DKK2: variants seen among roughly 807,000 people sequenced by gnomAD.
DKK2 encodes dickkopf-related protein 2.
DKK2 carries 11 observed loss-of-function variants against 28.1 expected under a neutral mutation model. That is an observed-to-expected ratio of 0.39 (90% CI 0.25 to 0.65). The LOEUF is 0.65. Ranked by LOEUF, DKK2 falls within the 30% of genes least tolerant of loss-of-function variation. DKK2 has a pLI of 0.47. For missense variants in DKK2, 326 were observed against 335.5 expected, an observed-to-expected ratio of 0.97 and a Z score of 0.22; for synonymous variants, 135 against 126.5, an observed-to-expected ratio of 1.07 and a Z score of -0.45.
chr4:106,959,549 T>G (rs989067700), intron 1 of DKK2, among the ~76,000 whole-genome samples: 4 of 152,106 alleles, frequency 2.6e-5, no homozygotes. Context: ...TGATCTAGAC[T>G]CAAAATTTGT....
intron 1 of DKK2, among the ~76,000 whole-genome samples, chr4:107,015,959 G>C (rs1723595611): frequency 6.6e-6 from 1 of 151,780 alleles, no homozygotes; most frequent in African/African-American, 2.4e-5. Context: ...AAAATTCAAA[G>C]AGAAAATTTC....
rs1724359510 is a variant in DKK2, at chr4:106,922,432, A to T, written c.*1522T>A. 6.6e-6 allele frequency: 1 copy of T among 152,246 alleles called. No homozygotes were observed. The highest frequency in any genetic ancestry group is 1.5e-5 in the Non-Finnish European group (1 of 68,044). 9.4% of individuals were successfully genotyped at this position (152,246 alleles called of 1,614,324 possible). On this transcript the variant is annotated 3_prime_UTR_variant, in exon 4 of 4. Coordinates refer to ENST00000285311, the MANE Select transcript of DKK2 (RefSeq NM_014421.3). The stretch of plus-strand genomic sequence containing the variant: ...GTAGTAAAGTGGTTTCAAAGAATTT[A>T]GAAACTGTGGTGTCTATAGATTAGC...
chr4:107,022,896 A>T (rs906113954), intron 1 of DKK2, among the ~76,000 whole-genome samples: 3 of 152,024 alleles, frequency 2.0e-5, no homozygotes, highest in African/African-American at 7.2e-5. Context: ...AACTTGGTCA[A>T]ATGGTTGGGT....
intron 1 of DKK2, among the ~76,000 whole-genome samples, chr4:106,954,313 C>G (rs1395572154): frequency 1.3e-5 from 2 of 152,062 alleles, no homozygotes; most frequent in East Asian, 3.9e-4. Context: ...TTTCTTGCTT[C>G]AGGTTCATTT....
chr4:106,976,961 C>T (rs1442354521), intron 1 of DKK2, among the ~76,000 whole-genome samples: 2 of 152,042 alleles, frequency 1.3e-5, no homozygotes, highest in Non-Finnish European at 2.9e-5. Context: ...TCAGCATTTG[C>T]TTGTCTGTAA....
intron 1 of DKK2, among the ~76,000 whole-genome samples, chr4:107,030,529 A>G (rs1319894010): frequency 6.6e-6 from 1 of 152,138 alleles, no homozygotes; most frequent in East Asian, 1.9e-4. Flanking sequence ...CTTTTGAACA[A>G]TCAGATAAAT....
chr4:107,035,279 G>T, intron 1 of DKK2, 91 bp downstream of exon 1: 2 of 1,443,644 alleles, frequency 1.4e-6, no homozygotes, highest in East Asian at 2.3e-5. Context: ...GCCACGCTCC[G>T]AATGTTGCAA....
chr4:106,983,237 C>T (rs12646662), intron 1 of DKK2, among the ~76,000 whole-genome samples: 25,480 of 149,328 alleles, frequency 0.17, 2,589 homozygotes, highest in East Asian at 0.43. Flanking sequence ...AACACTAACA[C>T]CACTCTAATA....
intron 1 of DKK2, among the ~76,000 whole-genome samples, chr4:106,930,130 C>G (rs1225896829): frequency 6.6e-6 from 1 of 152,162 alleles, no homozygotes; most frequent in Non-Finnish European, 1.5e-5. Context: ...ACAGTATTTT[C>G]TCATTCTATT....
intron 1 of DKK2, among the ~76,000 whole-genome samples, chr4:106,987,251 GA>G (rs1224827625): frequency 1.3e-5 from 2 of 152,142 alleles, no homozygotes; most frequent in African/African-American, 4.8e-5. Flanking sequence ...TCTTAGTAGA[GA>G]AGAATAAACC....
At chr4:106,928,101 C>G (rs1003468105) in intron 1 of DKK2, among the ~76,000 whole-genome samples, 11 of 152,058 alleles carry the variant, frequency 7.2e-5, no homozygotes, top group Non-Finnish European at 1.3e-4. Context: ...TGGCGCATCA[C>G]CATCTTTCCA....
chr4:106,957,312 A>C (rs1256408126), intron 1 of DKK2, among the ~76,000 whole-genome samples: 3 of 151,146 alleles, frequency 2.0e-5, no homozygotes, highest in East Asian at 2.0e-4. Context: ...GTGGGACTGT[A>C]AACTAGTTCA....
chr4:107,008,720 C>T (rs558486857), intron 1 of DKK2, among the ~76,000 whole-genome samples: 1 of 152,088 alleles, frequency 6.6e-6, no homozygotes, highest in Non-Finnish European at 1.5e-5. Flanking sequence ...CCTAAACAGA[C>T]ATGCACACAT....
At chr4:106,947,527 T>A (rs1004237407) in intron 1 of DKK2, among the ~76,000 whole-genome samples, 10 of 152,066 alleles carry the variant, frequency 6.6e-5, no homozygotes, top group Non-Finnish European at 7.4e-5. Flanking sequence ...GTAAGAATAG[T>A]TACTCTTGGA....
intron 1 of DKK2, among the ~76,000 whole-genome samples, chr4:106,948,579 T>C (rs1724813063): frequency 6.6e-6 from 1 of 152,136 alleles, no homozygotes; most frequent in Admixed American, 6.6e-5. Context: ...AAAGTTGCCA[T>C]GTAGATTAGA....
At chr4:106,987,745 TTCA>T (rs1723141613) in intron 1 of DKK2, among the ~76,000 whole-genome samples, 1 of 150,280 alleles carries the variant, frequency 6.7e-6, no homozygotes, top group African/African-American at 2.4e-5. Context: ...AGTTCAGTTC[TTCA>T]TTTGTTTCCT....
At chr4:106,972,663 C>T (rs896169528) in intron 1 of DKK2, among the ~76,000 whole-genome samples, 15 of 152,080 alleles carry the variant, frequency 9.9e-5, no homozygotes, top group African/African-American at 3.6e-4. Flanking sequence ...ATATAAAGTT[C>T]TTAGAACAGT....
At chr4:106,965,719 A>G (rs1489177214) in intron 1 of DKK2, among the ~76,000 whole-genome samples, 1 of 145,330 alleles carries the variant, frequency 6.9e-6, no homozygotes, top group Admixed American at 6.9e-5. Context: ...AGCATTAGGT[A>G]TATCTCCCAA....
chr4:106,926,174 T>C (rs184835339), intron 1 of DKK2, among the ~76,000 whole-genome samples: 1 of 152,278 alleles, frequency 6.6e-6, no homozygotes, highest in Admixed American at 6.5e-5. Flanking sequence ...TGACGCTGTT[T>C]GTATATTTTC....
Sources: gnomAD v4.1 joint callset for allele counts (sites outside exome capture counted in the v4.1 genomes callset) on GRCh38, gnomAD v4.1.1 for gene constraint, MANE v1.5 for transcripts, NCBI Gene and HGNC (gene_info 2026-07-23, HGNC 2026-07-21) for gene names.